SUGCT: variants seen among roughly 807,000 people sequenced by gnomAD.
The protein encoded by SUGCT is succinyl-CoA:glutarate-CoA transferase.
A neutral mutation model predicts 55.0 loss-of-function variants in SUGCT; 41 were observed. That is an observed-to-expected ratio of 0.74 (90% CI 0.58 to 0.97). SUGCT has a LOEUF of 0.97. Among genes scored for constraint, SUGCT ranks in the 50% least tolerant of loss-of-function variants. The probability of loss-of-function intolerance (pLI) is 0.00; values close to 1 mark genes in which losing one functional copy is unlikely to be tolerated. For missense variants in SUGCT, 568 were observed against 547.8 expected (o/e 1.04, Z -0.37); for synonymous variants, 187 against 200.4 (o/e 0.93, Z 0.56).
At chr7:40,623,953 CT>C (rs1167229344) in intron 12 of SUGCT, among the ~76,000 whole-genome samples, 1 of 152,136 alleles carries the variant, frequency 6.6e-6, no homozygotes, top group East Asian at 1.9e-4. Flanking sequence ...CACTTTATTT[CT>C]GTTAATGTTA....
the SUGCT span, among the ~76,000 whole-genome samples, chr7:40,865,864 G>T: frequency 6.6e-6 from 1 of 152,118 alleles, no homozygotes; most frequent in Non-Finnish European, 1.5e-5. Context: ...TGTTAAATAG[G>T]GTGATTCCAT....
At chr7:40,981,090 C>G in the SUGCT span, among the ~76,000 whole-genome samples, 16 of 152,254 alleles carry the variant, frequency 1.1e-4, no homozygotes, top group East Asian at 9.7e-4. Context: ...TTCTTTGGCT[C>G]TCTGTGGTAG....
At chr7:40,188,939 A>G (rs997370819) in intron 4 of SUGCT, among the ~76,000 whole-genome samples, 1 of 152,242 alleles carries the variant, frequency 6.6e-6, no homozygotes, top group African/African-American at 2.4e-5. Context: ...GCATATTAAT[A>G]TATCCTCATG....
At chr7:41,021,334 A>G in the SUGCT span, among the ~76,000 whole-genome samples, 1 of 152,200 alleles carries the variant, frequency 6.6e-6, no homozygotes, top group Non-Finnish European at 1.5e-5. Context: ...CACAGAGAAA[A>G]CAGACATTTT....
the SUGCT span, among the ~76,000 whole-genome samples, chr7:40,896,909 C>T: frequency 2.0e-5 from 3 of 152,028 alleles, no homozygotes; most frequent in African/African-American, 7.2e-5. Flanking sequence ...AAAGCAATCT[C>T]GAACAAAAAG....
chr7:40,344,023 A>T (rs1208182014), intron 9 of SUGCT, among the ~76,000 whole-genome samples: 2 of 152,116 alleles, frequency 1.3e-5, no homozygotes, highest in Admixed American at 6.6e-5. Flanking sequence ...GAGGTTGCGT[A>T]TTGGATATTC....
chr7:40,857,159 C>T (rs1439461772), intron 13 of SUGCT, among the ~76,000 whole-genome samples: 1 of 152,174 alleles, frequency 6.6e-6, no homozygotes, highest in African/African-American at 2.4e-5. Flanking sequence ...TTACCTTGCT[C>T]ATAATTTTTT....
intron 13 of SUGCT, among the ~76,000 whole-genome samples, chr7:40,807,365 C>T (rs2128754391): frequency 6.6e-6 from 1 of 152,140 alleles, no homozygotes; most frequent in South Asian, 2.1e-4. Flanking sequence ...CGTGAGGTCT[C>T]ACAGGATAAA....
chr7:40,373,826 C>G (rs1053765963), intron 9 of SUGCT, among the ~76,000 whole-genome samples: 10 of 152,046 alleles, frequency 6.6e-5, no homozygotes, highest in African/African-American at 2.4e-4. Flanking sequence ...TGATAGAAAT[C>G]TGTAAGAATG....
At chr7:40,457,365 AC>A (rs914605024) in intron 10 of SUGCT, among the ~76,000 whole-genome samples, 7 of 151,700 alleles carry the variant, frequency 4.6e-5, no homozygotes, top group African/African-American at 1.7e-4. Flanking sequence ...AATCCCTTGA[AC>A]CCGGGAGGTG....
chr7:40,409,614 A>C (rs193083385), intron 9 of SUGCT, among the ~76,000 whole-genome samples: 126 of 152,166 alleles, frequency 8.3e-4, no homozygotes, highest in African/African-American at 2.9e-3. Flanking sequence ...TTGGCTTTAT[A>C]GCAAATTTAG....
intron 12 of SUGCT, among the ~76,000 whole-genome samples, chr7:40,519,695 A>G (rs1793425110): frequency 2.6e-5 from 4 of 152,080 alleles, no homozygotes; most frequent in Admixed American, 2.6e-4. Flanking sequence ...TGTATAAAAG[A>G]TAAGACAAGC....
intron 12 of SUGCT, among the ~76,000 whole-genome samples, chr7:40,693,951 T>C (rs577500568): frequency 1.6e-4 from 24 of 152,318 alleles, no homozygotes; most frequent in African/African-American, 5.3e-4. Flanking sequence ...TTCTCACCAT[T>C]CTTTTGGAAA....
intron 13 of SUGCT, among the ~76,000 whole-genome samples, chr7:40,828,576 TAAA>T (rs11419901): frequency 1.0e-4 from 9 of 89,946 alleles, no homozygotes; most frequent in Admixed American, 2.3e-4. Flanking sequence ...CTTGCTACAG[TAAA>T]AAAAAAAAAA....
chr7:40,339,192 T>C (rs1237326767), intron 9 of SUGCT, among the ~76,000 whole-genome samples: 1 of 152,164 alleles, frequency 6.6e-6, no homozygotes. Context: ...TACTCAGGGA[T>C]CAGGGGCACA....
At chr7:40,936,787 T>C in the SUGCT span, among the ~76,000 whole-genome samples, 38 of 152,142 alleles carry the variant, frequency 2.5e-4, no homozygotes, top group African/African-American at 9.1e-4. Context: ...TATTATGATA[T>C]GTTGCATTTT....
intron 9 of SUGCT, among the ~76,000 whole-genome samples, chr7:40,366,540 T>C (rs1783981244): frequency 6.6e-6 from 1 of 152,050 alleles, no homozygotes; most frequent in Non-Finnish European, 1.5e-5. Flanking sequence ...ATATCCAGAA[T>C]CTACAATAAA....
intron 7 of SUGCT, among the ~76,000 whole-genome samples, chr7:40,265,937 C>G: frequency 6.7e-6 from 1 of 149,066 alleles, no homozygotes; most frequent in Admixed American, 6.8e-5. Flanking sequence ...GACAACAGAG[C>G]AAAACTCTGT....
rs74658154 is a variant in SUGCT, at chr7:40,458,983, A to T, written c.889-118A>T. 5,877 of 651,418 alleles carry T rather than the reference A, an allele frequency of 9.0e-3. 211 individuals carry two copies. Among genetic ancestry groups the T allele is most frequent in the Admixed American group, 0.079 (3,321 of 42,116 alleles). The allele number at this position is 651,418 out of a possible 1,614,324, so 40.4% of individuals were successfully genotyped here. On this transcript the variant is annotated intron_variant, in intron 10 of 13. Coordinates refer to ENST00000335693, the MANE Select transcript of SUGCT (RefSeq NM_001193313.2). ...CCTCCATATGTCCTTGTTGAGGGGCATAAAGACCAGCAAGGAATGTTCTTG... is the reference window on the plus strand; with the variant it reads ...CCTCCATATGTCCTTGTTGAGGGGCTTAAAGACCAGCAAGGAATGTTCTTG...
Sources: gnomAD v4.1 joint callset for allele counts (sites outside exome capture counted in the v4.1 genomes callset) on GRCh38, gnomAD v4.1.1 for gene constraint, MANE v1.5 for transcripts, NCBI Gene and HGNC (gene_info 2026-07-23, HGNC 2026-07-21) for gene names.